SHISA9: variants seen among roughly 807,000 people sequenced by gnomAD.
The protein encoded by SHISA9 is shisa family member 9.
SHISA9 carries 13 observed loss-of-function variants against 38.0 expected under a neutral mutation model. The ratio of observed to expected loss-of-function variants is 0.34; its 90% confidence interval spans 0.22 to 0.54. The LOEUF (loss-of-function observed/expected upper bound fraction) is 0.54. Among genes scored for constraint, SHISA9 ranks in the 20% least tolerant of loss-of-function variants. SHISA9 has a pLI of 0.91. For missense variants in SHISA9, 538 were observed against 575.8 expected, an observed-to-expected ratio of 0.93 and a Z score of 0.67; for synonymous variants, 275 against 242.0, an observed-to-expected ratio of 1.14 and a Z score of -1.27.
intron 2 of SHISA9, among the ~76,000 whole-genome samples, chr16:12,917,878 T>G (rs1270139814): frequency 6.6e-6 from 1 of 152,208 alleles, no homozygotes; most frequent in Non-Finnish European, 1.5e-5. Context: ...ATCATAGTTT[T>G]GGACTGTTTG....
At chr16:13,445,038 T>G in the SHISA9 span, among the ~76,000 whole-genome samples, 3 of 137,182 alleles carry the variant, frequency 2.2e-5, no homozygotes, top group Non-Finnish European at 3.2e-5. Flanking sequence ...ATGTTGTATT[T>G]TTGATGGAGA....
intron 2 of SHISA9, among the ~76,000 whole-genome samples, chr16:13,164,599 C>T (rs779288105): frequency 6.6e-6 from 1 of 151,986 alleles, no homozygotes; most frequent in Non-Finnish European, 1.5e-5. Context: ...GAGGTCATTC[C>T]TTTGAGATTT....
intron 4 of SHISA9, among the ~76,000 whole-genome samples, chr16:13,232,127 G>A (rs2051337179): frequency 6.6e-6 from 1 of 152,190 alleles, no homozygotes; most frequent in South Asian, 2.1e-4. Context: ...AGGGAGGCAG[G>A]CATTCTTTAA....
Position 12,963,770 on chromosome 16 carries a change from A to G in SHISA9, c.691+46955A>G, listed in dbSNP as rs191951688. ...CTCTCCAGTCTAGGTTTCACAAAGT[A>G]TCATACAGGTGGAAGCTTTTGAGTT... On this transcript the variant is annotated intron_variant, in intron 2 of 4. Coordinates refer to ENST00000558583, the MANE Select transcript of SHISA9 (RefSeq NM_001145204.3). Among the ~76,000 whole-genome samples, 418 of 152,290 alleles carry G rather than the reference A, an allele frequency of 2.7e-3. 4 individuals are homozygous for G. Among genetic ancestry groups the G allele is most frequent in the African/African-American group, 9.6e-3 (399 of 41,592 alleles).
the SHISA9 span, among the ~76,000 whole-genome samples, chr16:13,456,680 A>G: frequency 2.0e-5 from 3 of 152,210 alleles, no homozygotes; most frequent in Non-Finnish European, 4.4e-5. Context: ...GCTTTAGGCC[A>G]TACGTTATCA....
chr16:13,248,164 C>T, the SHISA9 span, among the ~76,000 whole-genome samples: 109 of 152,282 alleles, frequency 7.2e-4, no homozygotes, highest in Middle Eastern at 3.4e-3. Flanking sequence ...GAATTTTCCT[C>T]ATGGGGGTTT....
chr16:13,171,127 G>C (rs556435524), intron 2 of SHISA9, among the ~76,000 whole-genome samples: 183 of 152,258 alleles, frequency 1.2e-3, no homozygotes, highest in African/African-American at 4.1e-3. Context: ...GTGTCACATG[G>C]CAAGAGAGCC....
At chr16:13,123,299 A>T (rs902029036) in intron 2 of SHISA9, among the ~76,000 whole-genome samples, 2 of 152,258 alleles carry the variant, frequency 1.3e-5, no homozygotes, top group Non-Finnish European at 2.9e-5. Flanking sequence ...TTTGTTATTC[A>T]ACAAGGATAA....
chr16:13,244,826 A>C (rs1026118847), downstream of SHISA9, among the ~76,000 whole-genome samples: 1 of 152,254 alleles, frequency 6.6e-6, no homozygotes, highest in Non-Finnish European at 1.5e-5. Context: ...GCTATCTGCT[A>C]CATTTGCGAT....
chr16:13,340,323 C>T, the SHISA9 span, among the ~76,000 whole-genome samples: 1 of 152,176 alleles, frequency 6.6e-6, no homozygotes, highest in African/African-American at 2.4e-5. Context: ...GATGCTTCCT[C>T]TTCTAAAGGA....
intron 2 of SHISA9, among the ~76,000 whole-genome samples, chr16:13,103,863 C>T (rs139298497): frequency 1.6e-4 from 24 of 152,258 alleles, no homozygotes; most frequent in African/African-American, 3.1e-4. Context: ...CAGATGCTTA[C>T]GAAGGTGCTA....
At chr16:13,502,498 C>T in the SHISA9 span, among the ~76,000 whole-genome samples, 10 of 152,128 alleles carry the variant, frequency 6.6e-5, no homozygotes, top group African/African-American at 1.4e-4. Context: ...ACCTACCATG[C>T]GTCTGGGCAC....
chr16:13,538,207 C>T, the SHISA9 span, among the ~76,000 whole-genome samples: 1 of 152,080 alleles, frequency 6.6e-6, no homozygotes, highest in African/African-American at 2.4e-5. Flanking sequence ...AAAGCTGTCC[C>T]CTCTCATGAT....
intron 2 of SHISA9, among the ~76,000 whole-genome samples, chr16:13,108,126 C>A (rs1042518717): frequency 2.6e-5 from 4 of 151,318 alleles, no homozygotes; most frequent in Non-Finnish European, 5.9e-5. Flanking sequence ...GAGAGCCCCC[C>A]TCCGGCCCCA....
At chr16:12,958,482 T>G (rs2071865571) in intron 2 of SHISA9, among the ~76,000 whole-genome samples, 1 of 152,088 alleles carries the variant, frequency 6.6e-6, no homozygotes, top group Non-Finnish European at 1.5e-5. Context: ...TTGCCCAGAG[T>G]GTGGGCCTCA....
intron 1 of SHISA9, among the ~76,000 whole-genome samples, chr16:12,907,399 C>T (rs1167871942): frequency 6.6e-6 from 1 of 151,014 alleles, no homozygotes; most frequent in African/African-American, 2.4e-5. Flanking sequence ...CCCTCTTCCC[C>T]TCCCTCCCTT....
chr16:13,539,358 T>TATAA, the SHISA9 span, among the ~76,000 whole-genome samples: 284 of 65,254 alleles, frequency 4.4e-3, 24 homozygotes, highest in East Asian at 0.011. Flanking sequence ...TATATATATA[T>TATAA]AAAGACAGGA....
the SHISA9 span, among the ~76,000 whole-genome samples, chr16:13,384,319 G>C: frequency 2.6e-5 from 4 of 152,274 alleles, no homozygotes; most frequent in South Asian, 8.3e-4. Context: ...AATGTTGGGT[G>C]GTGAGATGCT....
the SHISA9 span, among the ~76,000 whole-genome samples, chr16:13,473,545 G>C: frequency 6.6e-6 from 1 of 151,286 alleles, no homozygotes; most frequent in Non-Finnish European, 1.5e-5. Flanking sequence ...TCCTTTTTCT[G>C]ACCTTTCCCA....
Sources: gnomAD v4.1 joint callset for allele counts (sites outside exome capture counted in the v4.1 genomes callset) on GRCh38, gnomAD v4.1.1 for gene constraint, MANE v1.5 for transcripts, NCBI Gene and HGNC (gene_info 2026-07-23, HGNC 2026-07-21) for gene names.